The following SPOCK3 variants were observed in gnomAD, a reference collection of about 807,000 sequenced individuals.
The protein encoded by SPOCK3 is SPARC (osteonectin), cwcv and kazal like domains proteoglycan 3.
In SPOCK3, 30 loss-of-function variants were observed where a neutral mutation model predicts 56.6. The observed-to-expected ratio is 0.53, with a 90% CI of 0.40 to 0.72. SPOCK3 has a LOEUF of 0.72. Among genes scored for constraint, SPOCK3 ranks in the 30% least tolerant of loss-of-function variants. SPOCK3 has a pLI of 0.00. For synonymous variants in SPOCK3, 196 were observed against 183.3 expected, an observed-to-expected ratio of 1.07 and a Z score of -0.56; for missense variants, 527 against 530.0, an observed-to-expected ratio of 0.99 and a Z score of 0.06.
chr4:167,058,990 A>G (rs1755255467), intron 3 of SPOCK3, among the ~76,000 whole-genome samples: 1 of 152,156 alleles, frequency 6.6e-6, no homozygotes, highest in Admixed American at 6.5e-5. Flanking sequence ...CACCTTATAC[A>G]AAAATCAATT....
At chr4:166,946,027 C>A (rs925847803) in intron 4 of SPOCK3, among the ~76,000 whole-genome samples, 1 of 64,022 alleles carries the variant, frequency 1.6e-5, no homozygotes, top group African/African-American at 5.6e-5. Flanking sequence ...AAACTTCTTG[C>A]ATTTTGTAAA....
chr4:166,831,944 GT>G (rs1746119665), intron 6 of SPOCK3, among the ~76,000 whole-genome samples: 1 of 151,428 alleles, frequency 6.6e-6, no homozygotes, highest in Admixed American at 6.6e-5. Flanking sequence ...GGGGTTACTT[GT>G]TTTTTGCTTG....
chr4:167,105,820 C>T (rs1296532638), intron 2 of SPOCK3, among the ~76,000 whole-genome samples: 1 of 151,220 alleles, frequency 6.6e-6, no homozygotes, highest in African/African-American at 2.4e-5. Flanking sequence ...CCAATGGAAA[C>T]CAAAAAAAGA....
chr4:167,002,801 A>G (rs1749076674), intron 3 of SPOCK3, among the ~76,000 whole-genome samples: 2 of 152,172 alleles, frequency 1.3e-5, no homozygotes, highest in Admixed American at 1.3e-4. Context: ...AACTTAGAAG[A>G]CATTAAAAGT....
At position 166,734,153 on chromosome 4, in the gene SPOCK3, T is replaced by C. The variant is rs1280850745; in HGVS notation, c.*768A>G. ...CCTAATTTAAATTCTGCTCCCTAAG[T>C]TGCTGGTCAGAAAGATAAAGAAATC... On this transcript the variant is annotated 3_prime_UTR_variant, in exon 11 of 11. Transcript: ENST00000357545. The C allele has an allele frequency of 1.3e-5, 2 of 151,904 alleles. No individual in the cohort carries two copies. Among genetic ancestry groups the C allele is most frequent in the Admixed American group, 1.3e-4 (2 of 15,190 alleles). The allele number at this position is 151,904 out of a possible 1,614,324, so 9.4% of individuals were successfully genotyped here.
chr4:166,857,145 AGTTT>A (rs1377837890), intron 6 of SPOCK3, among the ~76,000 whole-genome samples: 2 of 152,178 alleles, frequency 1.3e-5, no homozygotes, highest in Non-Finnish European at 2.9e-5. Flanking sequence ...TATGGAAGAT[AGTTT>A]GTCTTTTAAA....
At position 167,065,037 on chromosome 4, in the gene SPOCK3, C is replaced by CAAAAAAAAAAAAAAAAA. The variant is rs56284627; in HGVS notation, c.190-2517_190-2501dup. Reference sequence around the variant, plus strand: ...CTATTTTCAAATCCAATGCCCTCTCCAAAAAAAAAAAAAAAAAAAAAAAGT... The same window carrying CAAAAAAAAAAAAAAAAA: ...CTATTTTCAAATCCAATGCCCTCTCCAAAAAAAAAAAAAAAAAAAAAAAAAAAAAAAAAAAAAAAAGT... On this transcript the variant is annotated intron_variant, in intron 2 of 10. Transcript: ENST00000357545. Among the ~76,000 whole-genome samples, 485 of 64,014 alleles carry CAAAAAAAAAAAAAAAAA rather than the reference C, an allele frequency of 7.6e-3. 52 individuals are homozygous for CAAAAAAAAAAAAAAAAA. Among genetic ancestry groups the CAAAAAAAAAAAAAAAAA allele is most frequent in the African/African-American group, 0.025 (317 of 12,678 alleles). 42.0% of individuals were successfully genotyped at this position (64,014 alleles called of 152,430 possible).
At chr4:166,995,996 A>C (rs1450749087) in intron 4 of SPOCK3, among the ~76,000 whole-genome samples, 1 of 152,158 alleles carries the variant, frequency 6.6e-6, no homozygotes, top group Non-Finnish European at 1.5e-5. Flanking sequence ...TCAATCAGTG[A>C]TCATATAAAT....
chr4:167,001,145 C>G (rs541079066), intron 3 of SPOCK3, among the ~76,000 whole-genome samples: 1 of 152,276 alleles, frequency 6.6e-6, no homozygotes, highest in South Asian at 2.1e-4. Context: ...ACATACTACA[C>G]AATTTGGGCA....
intron 2 of SPOCK3, among the ~76,000 whole-genome samples, chr4:167,149,434 T>C (rs1252938077): frequency 6.6e-6 from 1 of 152,106 alleles, no homozygotes. Flanking sequence ...GAAGTCTTCA[T>C]GAGGGAAATA....
chr4:166,761,991 T>C lies in SPOCK3; in HGVS notation c.710-7262A>G, dbSNP rs189848955. Among the ~76,000 whole-genome samples, 39 of 152,080 alleles carry C rather than the reference T, an allele frequency of 2.6e-4. 1 individual carries two copies. The East Asian group carries it at 7.2e-3, about 28-fold the overall frequency. The stretch of plus-strand genomic sequence containing the variant: ...GGAATTTGTTAATTTTCAGAAGATA[T>C]TTAATGCTCATATCTGTGAATCACC... On this transcript the variant is annotated intron_variant, in intron 7 of 10. Coordinates refer to ENST00000357545, the MANE Select transcript of SPOCK3 (RefSeq NM_001040159.2).
chr4:167,208,698 G>A (rs1256958289), intron 2 of SPOCK3, among the ~76,000 whole-genome samples: 2 of 147,634 alleles, frequency 1.4e-5, no homozygotes, highest in Non-Finnish European at 3.0e-5. Flanking sequence ...ATTTGATTTA[G>A]ATTTTTGTTT....
intron 4 of SPOCK3, among the ~76,000 whole-genome samples, chr4:166,993,077 T>C (rs745326008): frequency 2.0e-5 from 3 of 152,164 alleles, no homozygotes; most frequent in Admixed American, 6.6e-5. Flanking sequence ...TTCAGAAGTA[T>C]ACACGGAGGC....
intron 2 of SPOCK3, among the ~76,000 whole-genome samples, chr4:167,066,983 C>T (rs1202540459): frequency 2.6e-5 from 4 of 151,810 alleles, no homozygotes; most frequent in African/African-American, 9.7e-5. Flanking sequence ...TACATCTGTA[C>T]TGATAAACTC....
chr4:167,099,123 T>C (rs2150321637), intron 2 of SPOCK3, among the ~76,000 whole-genome samples: 1 of 152,092 alleles, frequency 6.6e-6, no homozygotes, highest in South Asian at 2.1e-4. Context: ...TTGTTTTTGA[T>C]TCTTTCTCGA....
At chr4:166,960,291 A>C (rs1034270880) in intron 4 of SPOCK3, among the ~76,000 whole-genome samples, 2 of 152,216 alleles carry the variant, frequency 1.3e-5, no homozygotes, top group African/African-American at 4.8e-5. Context: ...AGACCCTAGC[A>C]GATGGTAGGT....
chr4:166,893,630 T>A (rs1228785334), intron 5 of SPOCK3, among the ~76,000 whole-genome samples: 5 of 152,168 alleles, frequency 3.3e-5, no homozygotes, highest in Non-Finnish European at 4.4e-5. Context: ...TTTATAGTTC[T>A]AATGTAGAAC....
In SPOCK3 at chr4:166,996,672, A is replaced by G. The variant is rs1367305588; in HGVS notation, c.350+3677T>C. Among the ~76,000 whole-genome samples the G allele has an allele frequency of 3.3e-5, 5 of 152,294 alleles. No individual in the cohort carries two copies. In the East Asian group the frequency reaches 9.7e-4, roughly 29 times the overall value. ...AGAAAGTTAGCACAATGACAAAGAT[A>G]TCACCTGCTCTGAGACCAGTTCTTC... On this transcript the variant is annotated intron_variant, in intron 4 of 10. Transcript: ENST00000357545.
chr4:166,740,942 T>G (rs1287584344), intron 9 of SPOCK3, among the ~76,000 whole-genome samples: 2 of 152,184 alleles, frequency 1.3e-5, no homozygotes, highest in Non-Finnish European at 2.9e-5. Context: ...TAAAAATGTT[T>G]TATTACAAAA....
Sources: gnomAD v4.1 joint callset for allele counts (sites outside exome capture counted in the v4.1 genomes callset) on GRCh38, gnomAD v4.1.1 for gene constraint, MANE v1.5 for transcripts, NCBI Gene and HGNC (gene_info 2026-07-23, HGNC 2026-07-21) for gene names.